The following MGAT4A variants were observed in gnomAD, a reference collection of about 807,000 sequenced individuals.
The protein encoded by MGAT4A is N-acetylglucosaminyltransferase IVa.
Under a neutral mutation model 74.1 loss-of-function variants are expected in MGAT4A, and 33 were observed. That is an observed-to-expected ratio of 0.45 (90% confidence interval 0.34 to 0.60). MGAT4A has a LOEUF of 0.60. Among genes scored for constraint, MGAT4A ranks in the 20% least tolerant of loss-of-function variants. The pLI is 0.02. For synonymous variants in MGAT4A, 198 were observed against 210.4 expected, an observed-to-expected ratio of 0.94 and a Z score of 0.51; for missense variants, 479 against 628.3, an observed-to-expected ratio of 0.76 and a Z score of 2.54.
Position 98,624,813 on chromosome 2 carries a change from G to A in MGAT4A, c.*753C>T, listed in dbSNP as rs895397663. On this transcript the variant is annotated 3_prime_UTR_variant, in exon 16 of 16. Coordinates refer to ENST00000393487, the MANE Select transcript of MGAT4A (RefSeq NM_012214.3). ...TTTCTGTGGCTATACACCATACACA[G>A]TATAGTAAAGTAACCCTCAGGAAGG... The A allele has an allele frequency of 1.5e-5, 15 of 985,330 alleles. No individual in the cohort carries two copies. Among genetic ancestry groups the A allele is most frequent in the African/African-American group, 1.7e-5 (1 of 57,208 alleles). 61.0% of individuals were successfully genotyped at this position (985,330 alleles called of 1,614,324 possible). A position where few individuals can be genotyped will look rare whatever the true frequency, so the allele number is the denominator to read the frequency against.
At position 98,619,978 on chromosome 2, in the gene MGAT4A, A is replaced by G. The variant is rs1324951955; in HGVS notation, c.*5588T>C. 9 of 152,170 alleles carry G rather than the reference A, an allele frequency of 5.9e-5. No homozygotes were observed. The highest frequency in any genetic ancestry group is 1.9e-4 in the African/African-American group (8 of 41,428). 9.4% of individuals were successfully genotyped at this position (152,170 alleles called of 1,614,324 possible). ...GCAAAGTGCTTTCCCATCAATGCTCAGTTTACTTTCTTGAATGAGGTCTTC... is the reference window on the plus strand; with the variant it reads ...GCAAAGTGCTTTCCCATCAATGCTCGGTTTACTTTCTTGAATGAGGTCTTC... On this transcript the variant is annotated 3_prime_UTR_variant, in exon 16 of 16. Transcript: ENST00000393487.
At position 98,622,030 on chromosome 2, in the gene MGAT4A, C is replaced by T; in HGVS notation, c.*3536G>A. 1 of 986,962 alleles carries T rather than the reference C, an allele frequency of 1.0e-6. No homozygotes were observed. Among genetic ancestry groups the T allele is most frequent in the Non-Finnish European group, 1.2e-6 (1 of 831,050 alleles). 61.1% of individuals were successfully genotyped at this position (986,962 alleles called of 1,614,324 possible). On this transcript the variant is annotated 3_prime_UTR_variant, in exon 16 of 16. Coordinates refer to ENST00000393487, the MANE Select transcript of MGAT4A (RefSeq NM_012214.3). ...TCAATCACACTGTCTGTTCTGACTA[C>T]ACAGTATGGTACAGCGCGTGATGTG... is the stretch of plus-strand genomic sequence containing the variant.
intron 4 of MGAT4A, among the ~76,000 whole-genome samples, chr2:98,674,807 G>C (rs1373536037): frequency 6.6e-6 from 1 of 152,188 alleles, no homozygotes; most frequent in Non-Finnish European, 1.5e-5. Flanking sequence ...GTCTGCCTGG[G>C]ATGGGGCCTG....
chr2:98,674,776 A>G (rs1192839003), intron 4 of MGAT4A, among the ~76,000 whole-genome samples: 1 of 152,240 alleles, frequency 6.6e-6, no homozygotes, highest in Non-Finnish European at 1.5e-5. Flanking sequence ...AAACAGAAAA[A>G]TGACAAAGGT....
Position 98,622,500 on chromosome 2 carries a change from C to A in MGAT4A, c.*3066G>T. ...TTACTATTTTGGTAAAATGATTCGG[C>A]GCCCTCTCAAGGCAAAGTATTTACC... On this transcript the variant is annotated 3_prime_UTR_variant, in exon 16 of 16. Coordinates refer to ENST00000393487, the MANE Select transcript of MGAT4A (RefSeq NM_012214.3). 6 of 985,456 alleles carry A rather than the reference C, an allele frequency of 6.1e-6. No individual in the cohort carries two copies. The highest frequency in any genetic ancestry group is 7.2e-6 in the Non-Finnish European group (6 of 829,948). The allele number at this position is 985,456 out of a possible 1,614,324, so 61.0% of individuals were successfully genotyped here.
At position 98,625,553 on chromosome 2, in the gene MGAT4A, G is replaced by T; in HGVS notation, c.*13C>A. ...CAAATTCACAGGAAAAAATGTGTTG[G>T]TTTCTCAGATGATCAGTTGGTGGCT... On this transcript the variant is annotated 3_prime_UTR_variant, in exon 16 of 16. Transcript: ENST00000393487. The T allele has an allele frequency of 6.2e-7, 1 of 1,607,272 alleles. No individual in the cohort carries two copies. The highest frequency in any genetic ancestry group is 8.5e-7 in the Non-Finnish European group (1 of 1,178,274).
intron 2 of MGAT4A, among the ~76,000 whole-genome samples, chr2:98,678,988 C>T (rs1043495592): frequency 1.3e-5 from 2 of 152,170 alleles, no homozygotes; most frequent in African/African-American, 4.8e-5. Flanking sequence ...TTTCCCTAGG[C>T]TAGACTTTGG....
chr2:98,635,380 G>T (rs1701304616), intron 13 of MGAT4A, 92 bp from the exon 14 acceptor site: 1 of 832,988 alleles, frequency 1.2e-6, no homozygotes, highest in Non-Finnish European at 1.8e-6. Context: ...AGTGGCATTT[G>T]TAACACAGCT....
intron 2 of MGAT4A, among the ~76,000 whole-genome samples, chr2:98,716,926 G>A (rs1381323490): frequency 6.6e-6 from 1 of 152,158 alleles, no homozygotes; most frequent in Non-Finnish European, 1.5e-5. Flanking sequence ...GTTTGTATAT[G>A]TTCAGTACAG....
intron 2 of MGAT4A, among the ~76,000 whole-genome samples, chr2:98,697,132 T>C (rs77995062): frequency 3.3e-5 from 5 of 152,240 alleles, no homozygotes; most frequent in Non-Finnish European, 2.9e-5. Context: ...ATACACCAAT[T>C]AAAAGAGAGA....
intron 4 of MGAT4A, among the ~76,000 whole-genome samples, chr2:98,674,765 T>G (rs1411476078): frequency 6.6e-6 from 1 of 152,206 alleles, no homozygotes. Flanking sequence ...CCAAGTTTCT[T>G]AAACAGAAAA....
chr2:98,647,521 G>C lies in MGAT4A; in HGVS notation c.775-1979C>G, dbSNP rs549452195. Among the ~76,000 whole-genome samples the C allele has an allele frequency of 2.0e-5, 3 of 152,284 alleles. No homozygotes were observed. The East Asian group carries it at 5.8e-4, about 29-fold the overall frequency. ...TTTAGTAGAGATGAGGTTTCACCAT[G>C]TTGGCCAGGCTGGTCTCGAACCCTT... is the stretch of plus-strand genomic sequence containing the variant. On this transcript the variant is annotated intron_variant, in intron 8 of 15. Transcript: ENST00000393487.
chr2:98,650,309 A>T (rs1701558307), intron 8 of MGAT4A, among the ~76,000 whole-genome samples: 1 of 152,208 alleles, frequency 6.6e-6, no homozygotes, highest in Non-Finnish European at 1.5e-5. Flanking sequence ...AACAACATAC[A>T]CATTATGAGA....
chr2:98,633,322 G>A (rs551658302), intron 14 of MGAT4A, among the ~76,000 whole-genome samples: 2 of 152,174 alleles, frequency 1.3e-5, no homozygotes, highest in East Asian at 3.9e-4. Context: ...GGCTGTACCT[G>A]CACAGGGCAG....
chr2:98,692,734 G>C (rs1264759738), intron 2 of MGAT4A, among the ~76,000 whole-genome samples: 1 of 152,078 alleles, frequency 6.6e-6, no homozygotes, highest in Non-Finnish European at 1.5e-5. Flanking sequence ...ATGCTATATA[G>C]GTTTGTAGCC....
chr2:98,679,382 G>A (rs1453390691), intron 2 of MGAT4A, among the ~76,000 whole-genome samples: 1 of 142,230 alleles, frequency 7.0e-6, no homozygotes, highest in Non-Finnish European at 1.5e-5. Context: ...CTCCAGCCTG[G>A]GCGACAGAGC....
In MGAT4A at chr2:98,619,934, A is replaced by G. The variant is rs1701021740; in HGVS notation, c.*5632T>C. On this transcript the variant is annotated 3_prime_UTR_variant, in exon 16 of 16. Coordinates refer to ENST00000393487, the MANE Select transcript of MGAT4A (RefSeq NM_012214.3). ...CCACAATTTTGACTGCAACATTAAC[A>G]GTGGGAATGTTACTTCGCGCAAAGT... The G allele has an allele frequency of 6.6e-6, 1 of 152,202 alleles. No homozygotes were observed. Among genetic ancestry groups the G allele is most frequent in the Non-Finnish European group, 1.5e-5 (1 of 68,040 alleles). 9.4% of individuals were successfully genotyped at this position (152,202 alleles called of 1,614,324 possible).
At position 98,624,320 on chromosome 2, in the gene MGAT4A, T is replaced by A. The variant is rs1701111181; in HGVS notation, c.*1246A>T. ...AGCCACAGCGCCTGGTGATAATTCA[T>A]CATTTTTTAAAAGTACTTTTATAAA... On this transcript the variant is annotated 3_prime_UTR_variant, in exon 16 of 16. Coordinates refer to ENST00000393487, the MANE Select transcript of MGAT4A (RefSeq NM_012214.3). The A allele has an allele frequency of 3.1e-6, 3 of 974,388 alleles. No homozygotes were observed. In the African/African-American group the frequency reaches 5.3e-5, roughly 17 times the overall value. The allele number at this position is 974,388 out of a possible 1,614,324, so 60.4% of individuals were successfully genotyped here. A position where few individuals can be genotyped will look rare whatever the true frequency, so the allele number is the denominator to read the frequency against.
chr2:98,634,011 TA>T (rs1369164004), intron 14 of MGAT4A, among the ~76,000 whole-genome samples: 3 of 152,188 alleles, frequency 2.0e-5, no homozygotes, highest in African/African-American at 7.2e-5. Flanking sequence ...AGAAAGGGCT[TA>T]AAAATGTATT....
Sources: gnomAD v4.1 joint callset for allele counts (sites outside exome capture counted in the v4.1 genomes callset) on GRCh38, gnomAD v4.1.1 for gene constraint, MANE v1.5 for transcripts, NCBI Gene and HGNC (gene_info 2026-07-23, HGNC 2026-07-21) for gene names.